AGAP1: variants seen among roughly 807,000 people sequenced by gnomAD.
The protein encoded by AGAP1 is arf-GAP with GTPase, ANK repeat and PH domain-containing protein 1.
AGAP1 carries 29 observed loss-of-function variants against 105.3 expected under a neutral mutation model. That is an observed-to-expected ratio of 0.28 (90% CI 0.21 to 0.38). The LOEUF is 0.38. Ranked by LOEUF, AGAP1 falls within the 10% of genes least tolerant of loss-of-function variation. The pLI is 1.00. For missense variants in AGAP1, 998 were observed against 1,165.1 expected (o/e 0.86, Z 2.09); for synonymous variants, 509 against 485.9 (o/e 1.05, Z -0.63).
intron 1 of AGAP1, among the ~76,000 whole-genome samples, chr2:235,585,466 GCA>G (rs773036645): frequency 5.9e-5 from 9 of 152,170 alleles, no homozygotes; most frequent in Admixed American, 2.0e-4. Context: ...CTCTTCACAT[GCA>G]CACAGTGGCT....
intron 16 of AGAP1, among the ~76,000 whole-genome samples, chr2:236,103,973 C>T (rs1314483261): frequency 1.3e-5 from 2 of 152,260 alleles, no homozygotes; most frequent in Admixed American, 6.5e-5. Flanking sequence ...CATGCACAAC[C>T]GCCTTACGTC....
chr2:235,564,654 C>G (rs13402328), intron 1 of AGAP1, among the ~76,000 whole-genome samples: 45 of 108,294 alleles, frequency 4.2e-4, no homozygotes, highest in African/African-American at 6.4e-4. Flanking sequence ...GCCTGGACCA[C>G]CACCCAGGGC....
intron 2 of AGAP1, among the ~76,000 whole-genome samples, chr2:235,709,596 A>G (rs1950734394): frequency 6.6e-6 from 1 of 152,036 alleles, no homozygotes; most frequent in African/African-American, 2.4e-5. Flanking sequence ...GGCTCCACAC[A>G]CACACACCCC....
rs1321789059 is a variant in AGAP1 at position 236,089,951 on chromosome 2, A to G, written c.2115-30241A>G. On this transcript the variant is annotated intron_variant, in intron 16 of 17. Coordinates refer to ENST00000304032, the MANE Select transcript of AGAP1 (RefSeq NM_001037131.3). This position sits in a 1 kb window ranked among gnomAD's most constrained non-coding sequence, Gnocchi z 5.6. ...TACTTATAACTAGGTTGGAAAAAAA[A>G]AAACTCACACTGCTCCTATTATAAA... Among the ~76,000 whole-genome samples the G allele has an allele frequency of 1.3e-5, 2 of 152,090 alleles. No individual in the cohort carries two copies. The highest frequency in any genetic ancestry group is 2.9e-5 in the Non-Finnish European group (2 of 68,020).
chr2:235,945,038 T>C (rs2053424907), intron 12 of AGAP1, among the ~76,000 whole-genome samples: 1 of 152,194 alleles, frequency 6.6e-6, no homozygotes, highest in Admixed American at 6.5e-5. Flanking sequence ...AAAAAGAAAT[T>C]ATTTGTCCTT....
chr2:235,644,818 C>T (rs1317244792), intron 1 of AGAP1, among the ~76,000 whole-genome samples: 1 of 152,108 alleles, frequency 6.6e-6, no homozygotes, highest in Admixed American at 6.5e-5. Flanking sequence ...TATGGTGTGT[C>T]AGCTTCGCTG....
chr2:236,027,163 C>A lies in AGAP1; in HGVS notation c.1646-9398C>A, dbSNP rs529780797. On this transcript the variant is annotated intron_variant, in intron 13 of 17. Coordinates refer to ENST00000304032, the MANE Select transcript of AGAP1 (RefSeq NM_001037131.3). This position sits in a 1 kb window ranked among gnomAD's most constrained non-coding sequence, Gnocchi z 4.4. ...AATCCTTGTACTTATTTTTTTTAAT[C>A]TTGGGAGGCAGAGAAAAGTCATATG... Among the ~76,000 whole-genome samples the A allele has an allele frequency of 2.0e-5, 3 of 151,902 alleles. No individual in the cohort carries two copies. Among genetic ancestry groups the A allele is most frequent in the African/African-American group, 7.3e-5 (3 of 41,352 alleles).
Position 235,930,872 on chromosome 2 carries a change from G to T in AGAP1, c.1432G>T (p.Ala478Ser). The T allele has an allele frequency of 6.2e-7, 1 of 1,614,152 alleles. No homozygotes were observed. Among genetic ancestry groups the T allele is most frequent in the Non-Finnish European group, 8.5e-7 (1 of 1,180,040 alleles). The change falls in exon 12 of 18, where the codon GCC becomes TCC. Residue 478 changes from alanine (A) to serine (S), a missense_variant. Ala to Ser is a moderately conservative substitution (Grantham distance 99, BLOSUM62 1). Around this residue, in one of 3 missense-constraint regions of AGAP1, gnomAD observed 735 missense variants for 833.4 expected, o/e 0.88. Transcript: ENST00000304032. The surrounding 1 kb of genome is among the most constrained non-coding windows in gnomAD (Gnocchi z 7.9). The part of the protein sequence containing the change: ...MHQRSYSVSS[A>S]DQWSEATVIA... ...CCAGCGCTCCTACTCAGTCTCCAGT[G>T]CCGACCAGTGGAGTGAGGCTACGGT...
chr2:235,806,006 G>T (rs903744572), intron 8 of AGAP1, among the ~76,000 whole-genome samples: 1 of 152,140 alleles, frequency 6.6e-6, no homozygotes, highest in African/African-American at 2.4e-5. Context: ...TCCATCATGG[G>T]AACTGTTCTC....
rs35603643 is a variant in AGAP1 at position 236,095,896 on chromosome 2, GAGA to G, written c.2115-24290_2115-24288del. 0.22 allele frequency among the ~76,000 whole-genome samples: 33,519 copies of G among 151,996 alleles called. 3,973 individuals carry two copies. Among genetic ancestry groups the G allele is most frequent in the South Asian group, 0.34 (1,633 of 4,810 alleles). On this transcript the variant is annotated intron_variant, in intron 16 of 17. Coordinates refer to ENST00000304032, the MANE Select transcript of AGAP1 (RefSeq NM_001037131.3). This position sits in a 1 kb window ranked among gnomAD's most constrained non-coding sequence, Gnocchi z 4.1. ...TCCTTTTAGGATGTGCCTCTCCATA[GAGA>G]AGAAGTTCACATTCCTTTTCTGTGT...
chr2:235,774,003 A>G (rs924045697), intron 6 of AGAP1: 6 of 470,006 alleles, frequency 1.3e-5, no homozygotes, highest in Admixed American at 9.4e-5. Context: ...TAACAAAAAT[A>G]AAACAGGACC....
intron 1 of AGAP1, among the ~76,000 whole-genome samples, chr2:235,527,629 C>T (rs2149066333): frequency 6.6e-6 from 1 of 152,308 alleles, no homozygotes; most frequent in South Asian, 2.1e-4. Context: ...CCCAAACCAT[C>T]TGCCTATCTT....
chr2:236,027,832 C>G lies in AGAP1; in HGVS notation c.1646-8729C>G, dbSNP rs1233260826. ...GAAAAGCGTGGCGTTTAGACCTGCCCTGTGATCACAGGGCCTTTGTGCATG... is the reference window on the plus strand; with the variant it reads ...GAAAAGCGTGGCGTTTAGACCTGCCGTGTGATCACAGGGCCTTTGTGCATG... On this transcript the variant is annotated intron_variant, in intron 13 of 17. Coordinates refer to ENST00000304032, the MANE Select transcript of AGAP1 (RefSeq NM_001037131.3). The surrounding 1 kb of genome is among the most constrained non-coding windows in gnomAD (Gnocchi z 4.4). Among the ~76,000 whole-genome samples, 4 of 152,128 alleles carry G rather than the reference C, an allele frequency of 2.6e-5. No homozygotes were observed.
intron 12 of AGAP1, among the ~76,000 whole-genome samples, chr2:235,949,536 A>G (rs2053642280): frequency 6.6e-6 from 1 of 152,154 alleles, no homozygotes; most frequent in African/African-American, 2.4e-5. Flanking sequence ...ACAACTGAAC[A>G]GATCTGCTTA....
chr2:235,973,415 G>C lies in AGAP1; in HGVS notation c.1645+4792G>C, dbSNP rs1389742472. Among the ~76,000 whole-genome samples, 1 of 152,214 alleles carries C rather than the reference G, an allele frequency of 6.6e-6. No homozygotes were observed. The highest frequency in any genetic ancestry group is 1.5e-5 in the Non-Finnish European group (1 of 68,034). The stretch of plus-strand genomic sequence containing the variant: ...ATTACCAGGAGATGTGTGGATGACA[G>C]AGCCCGTCGCTAGGCTCTTATGTCA... On this transcript the variant is annotated intron_variant, in intron 13 of 17. Transcript: ENST00000304032. The surrounding 1 kb of genome is among the most constrained non-coding windows in gnomAD (Gnocchi z 4.7).
At chr2:235,685,717 C>T (rs1445887793) in intron 1 of AGAP1, among the ~76,000 whole-genome samples, 2 of 152,116 alleles carry the variant, frequency 1.3e-5, no homozygotes, top group East Asian at 3.9e-4. Context: ...AAATATTTGG[C>T]TCCAGAGCTC....
rs941202426 is a variant in AGAP1, at chr2:236,055,235, G to A, written c.2114+5954G>A. Among the ~76,000 whole-genome samples, 4 of 152,124 alleles carry A rather than the reference G, an allele frequency of 2.6e-5. No individual in the cohort carries two copies. Among genetic ancestry groups the A allele is most frequent in the Non-Finnish European group, 5.9e-5 (4 of 68,032 alleles). ...TAATCAGCCTGTCTTCTACTCCGGC[G>A]ATCAGAGTTAACAATTATAGCAAGG... On this transcript the variant is annotated intron_variant, in intron 16 of 17. Coordinates refer to ENST00000304032, the MANE Select transcript of AGAP1 (RefSeq NM_001037131.3). The surrounding 1 kb of genome is among the most constrained non-coding windows in gnomAD (Gnocchi z 6.2).
At position 235,753,297 on chromosome 2, in the gene AGAP1, G is replaced by A. The variant is rs537206508; in HGVS notation, c.673+2809G>A. Among the ~76,000 whole-genome samples the A allele has an allele frequency of 6.6e-6, 1 of 152,320 alleles. No homozygotes were observed. The highest frequency in any genetic ancestry group is 2.1e-4 in the South Asian group (1 of 4,830). On this transcript the variant is annotated intron_variant, in intron 6 of 17. Coordinates refer to ENST00000304032, the MANE Select transcript of AGAP1 (RefSeq NM_001037131.3). This position sits in a 1 kb window ranked among gnomAD's most constrained non-coding sequence, Gnocchi z 4.5. The stretch of plus-strand genomic sequence containing the variant: ...ATTCAGAAAAAGCGTTTCCGTTACT[G>A]TGACAGCTCATGTCGCACCTCCCCA...
chr2:236,039,293 T>C lies in AGAP1; in HGVS notation c.1801-1458T>C, dbSNP rs149431850. On this transcript the variant is annotated intron_variant, in intron 14 of 17. Transcript: ENST00000304032. ...GACCATTGTCTCTACAAAAAAATTT[T>C]TAAATAGCCAGGTGCATGGTTCACA... Among the ~76,000 whole-genome samples the C allele has an allele frequency of 3.7e-4, 56 of 151,978 alleles. No homozygotes were observed. The East Asian group carries it at 0.01, about 28-fold the overall frequency.
Sources: allele counts gnomAD v4.1 joint callset (sites outside exome capture counted in the v4.1 genomes callset), GRCh38; gene constraint gnomAD v4.1.1; regional missense constraint gnomAD v4.1.1; non-coding constraint Gnocchi (gnomAD v3.1); transcripts MANE v1.5; gene names NCBI Gene and HGNC (gene_info 2026-07-23, HGNC 2026-07-21).